Variants in STX12 observed in about 807,000 individuals in gnomAD.
STX12 encodes syntaxin-12.
A neutral mutation model predicts 42.2 loss-of-function variants in STX12; 17 were observed. That is an observed-to-expected ratio of 0.40 (90% CI 0.28 to 0.60). STX12 has a LOEUF of 0.60. STX12 is among the 20% of genes least tolerant of loss of function. The probability of loss-of-function intolerance (pLI) is 0.39; values close to 1 mark genes in which losing one functional copy is unlikely to be tolerated. For synonymous variants in STX12, 108 were observed against 116.7 expected (o/e 0.93, Z 0.48); for missense variants, 297 against 330.9 (o/e 0.90, Z 0.79).
chr1:27,816,023 A>G (rs1166304560), intron 6 of STX12, among the ~76,000 whole-genome samples: 12 of 151,886 alleles, frequency 7.9e-5, no homozygotes. Flanking sequence ...TAAAAATACA[A>G]AAATTAGGGC....
At chr1:27,820,693 T>C (rs866054450) in intron 8 of STX12, among the ~76,000 whole-genome samples, 1 of 152,058 alleles carries the variant, frequency 6.6e-6, no homozygotes, top group Admixed American at 6.6e-5. Flanking sequence ...CAAAGGACTA[T>C]AAATCATGCT....
intron 6 of STX12, among the ~76,000 whole-genome samples, chr1:27,813,128 CCTAA>C (rs1163409802): frequency 1.3e-5 from 2 of 152,076 alleles, no homozygotes; most frequent in East Asian, 1.9e-4. Context: ...GCCTTTCTTA[CCTAA>C]CTGAGCTTTC....
chr1:27,808,264 C>T (rs966925302), intron 4 of STX12, among the ~76,000 whole-genome samples: 1 of 151,372 alleles, frequency 6.6e-6, no homozygotes, highest in African/African-American at 2.4e-5. Context: ...AAAGGGTAAG[C>T]TTTTTAAAAA....
chr1:27,785,411 A>T (rs1214000069), intron 1 of STX12, among the ~76,000 whole-genome samples: 1 of 152,020 alleles, frequency 6.6e-6, no homozygotes, highest in African/African-American at 2.4e-5. Flanking sequence ...TTGCAAAAGT[A>T]CTCCTTGGTT....
intron 6 of STX12, among the ~76,000 whole-genome samples, chr1:27,814,888 T>C (rs906622784): frequency 6.7e-6 from 1 of 149,196 alleles, no homozygotes; most frequent in Non-Finnish European, 1.5e-5. Context: ...AGGTTTCACA[T>C]CCTCAGACTC....
intron 4 of STX12, among the ~76,000 whole-genome samples, chr1:27,809,613 C>T (rs920709212): frequency 1.4e-4 from 21 of 151,694 alleles, no homozygotes; most frequent in African/African-American, 4.1e-4. Flanking sequence ...CCCGCCACCA[C>T]GTCCAGCTAA....
In STX12 at chr1:27,798,364, G is replaced by T. The variant is rs147768927; in HGVS notation, c.289-3314G>T. ...CCGGGCAACATCTCTACAAAAATTA[G>T]CCAGGCACGGTGGCTCATGCCTATA... On this transcript the variant is annotated intron_variant, in intron 3 of 8. Coordinates refer to ENST00000373943, the MANE Select transcript of STX12 (RefSeq NM_177424.3). 2.6e-5 allele frequency among the ~76,000 whole-genome samples: 4 copies of T among 152,070 alleles called. No individual in the cohort carries two copies. The East Asian group carries it at 7.7e-4, about 29-fold the overall frequency.
intron 2 of STX12, 64 bp from the exon 3 acceptor site, chr1:27,793,469 G>A: frequency 7.3e-7 from 1 of 1,370,160 alleles, no homozygotes; most frequent in Non-Finnish European, 1.0e-6. Flanking sequence ...TGAGAACAAA[G>A]TGGTTCTGTG....
At chr1:27,817,247 G>T (rs1048991862) in intron 6 of STX12, among the ~76,000 whole-genome samples, 4 of 152,212 alleles carry the variant, frequency 2.6e-5, no homozygotes, top group African/African-American at 9.6e-5. Context: ...GATCAGAGCA[G>T]TAAATAGGTT....
intron 8 of STX12, 53 bp from the exon 9 acceptor site, chr1:27,822,178 A>G (rs2088989244): frequency 9.1e-7 from 1 of 1,102,456 alleles, no homozygotes; most frequent in South Asian, 1.2e-5. Flanking sequence ...AGTCTTACAC[A>G]TACAAATTTT....
rs944118349 is a variant in STX12 at position 27,783,366 on chromosome 1, G to A, written c.119-6196G>A. ...TTTTGTTTTTTTGAGATGGAGTCGCGCTCTGTTGCCGAGGCTGGAGTGCAG... is the reference window on the plus strand; with the variant it reads ...TTTTGTTTTTTTGAGATGGAGTCGCACTCTGTTGCCGAGGCTGGAGTGCAG... On this transcript the variant is annotated intron_variant, in intron 1 of 8. Transcript: ENST00000373943. 1.1e-4 allele frequency among the ~76,000 whole-genome samples: 16 copies of A among 152,118 alleles called. 1 individual carries two copies. The East Asian group carries it at 3.1e-3, about 29-fold the overall frequency.
At chr1:27,802,397 C>T (rs2088833544) in intron 4 of STX12, among the ~76,000 whole-genome samples, 1 of 152,186 alleles carries the variant, frequency 6.6e-6, no homozygotes, top group South Asian at 2.1e-4. Context: ...TCAAATTAAA[C>T]TGGGCCCTAA....
chr1:27,783,281 T>TA (rs1281974552), intron 1 of STX12, among the ~76,000 whole-genome samples: 1 of 152,194 alleles, frequency 6.6e-6, no homozygotes, highest in Non-Finnish European at 1.5e-5. Context: ...TATGCTTTTT[T>TA]AAAATGAGAG....
At chr1:27,790,233 T>TGGTGAAC (rs1219169483) in intron 2 of STX12, among the ~76,000 whole-genome samples, 2 of 152,104 alleles carry the variant, frequency 1.3e-5, no homozygotes, top group Non-Finnish European at 1.5e-5. Flanking sequence ...AATGAAGCCG[T>TGGTGAAC]GGACCTTCGT....
chr1:27,794,105 G>T (rs1252064000), intron 3 of STX12, among the ~76,000 whole-genome samples: 1 of 151,734 alleles, frequency 6.6e-6, no homozygotes, highest in African/African-American at 2.4e-5. Context: ...GCTCACTGCA[G>T]CCTCCCACTT....
chr1:27,810,367 A>G, intron 5 of STX12, 78 bp downstream of exon 5: 2 of 1,400,488 alleles, frequency 1.4e-6, no homozygotes, highest in Non-Finnish European at 2.0e-6. Context: ...TTAAAAATCA[A>G]TGAAAAAATA....
intron 6 of STX12, among the ~76,000 whole-genome samples, chr1:27,817,096 AAAG>A (rs1023778442): frequency 5.3e-5 from 8 of 150,246 alleles, no homozygotes; most frequent in African/African-American, 1.7e-4. Context: ...AAGGAAGAAA[AAAG>A]AAAGGGAGGG....
chr1:27,792,749 A>G (rs972357868), intron 2 of STX12, among the ~76,000 whole-genome samples: 4 of 152,296 alleles, frequency 2.6e-5, no homozygotes, highest in African/African-American at 7.2e-5. Flanking sequence ...CAGGGACACT[A>G]ACATTCAGAT....
At chr1:27,803,424 A>C (rs1265896377) in intron 4 of STX12, among the ~76,000 whole-genome samples, 3 of 152,226 alleles carry the variant, frequency 2.0e-5, no homozygotes, top group Non-Finnish European at 4.4e-5. Context: ...ATGTTGATGA[A>C]GGACAATAAC....
Sources: allele counts gnomAD v4.1 joint callset (sites outside exome capture counted in the v4.1 genomes callset), GRCh38; gene constraint gnomAD v4.1.1; transcripts MANE v1.5; gene names NCBI Gene and HGNC (gene_info 2026-07-23, HGNC 2026-07-21).